LRP12: variants seen among roughly 807,000 people sequenced by gnomAD.
The protein encoded by LRP12 is LDL receptor related protein 12, also known as low-density lipoprotein receptor-related protein 12.
LRP12 carries 14 observed loss-of-function variants against 66.0 expected under a neutral mutation model. The observed-to-expected ratio is 0.21, with a 90% confidence interval of 0.14 to 0.33. LRP12 has a LOEUF of 0.33. Ranked by LOEUF, LRP12 falls within the 10% of genes least tolerant of loss-of-function variation. The pLI, the probability that LRP12 is intolerant of heterozygous loss-of-function variation, is 1.00. For missense variants in LRP12, 889 were observed against 1,053.4 expected, an observed-to-expected ratio of 0.84 and a Z score of 2.16; for synonymous variants, 357 against 359.1, an observed-to-expected ratio of 0.99 and a Z score of 0.07.
At chr8:104,576,366 G>C (rs112005679) in intron 1 of LRP12, among the ~76,000 whole-genome samples, 2 of 152,064 alleles carry the variant, frequency 1.3e-5, no homozygotes, top group Non-Finnish European at 1.5e-5. Flanking sequence ...GGTAGCTAGA[G>C]AGAAAAAGCA....
chr8:104,561,524 A>C (rs1398684083), intron 1 of LRP12, among the ~76,000 whole-genome samples: 1 of 152,214 alleles, frequency 6.6e-6, no homozygotes, highest in East Asian at 1.9e-4. Context: ...TTCATTAACA[A>C]AAATTCTGCA....
At chr8:104,504,470 A>C (rs1810875435) in intron 3 of LRP12, 1 of 152,116 alleles carries the variant, frequency 6.6e-6, no homozygotes, top group South Asian at 2.1e-4. Flanking sequence ...TATTCTTTCA[A>C]TGTATTCTAA....
chr8:104,572,148 A>G (rs1292235852), intron 1 of LRP12, among the ~76,000 whole-genome samples: 3 of 152,252 alleles, frequency 2.0e-5, no homozygotes, highest in Admixed American at 2.0e-4. Context: ...AAAAGCAGTC[A>G]GTCTCAAATG....
chr8:104,501,997 T>C (rs903163164), intron 3 of LRP12, among the ~76,000 whole-genome samples: 15 of 152,204 alleles, frequency 9.9e-5, no homozygotes, highest in African/African-American at 3.6e-4. Flanking sequence ...AATTTTCGTG[T>C]TTTCAAGTAG....
intron 2 of LRP12, among the ~76,000 whole-genome samples, chr8:104,510,242 T>C (rs1283128118): frequency 2.0e-5 from 3 of 152,248 alleles, no homozygotes; most frequent in African/African-American, 7.2e-5. Context: ...TAGTGGATGA[T>C]TGAATAAAGA....
intron 1 of LRP12, among the ~76,000 whole-genome samples, chr8:104,561,300 G>A (rs1453733933): frequency 1.3e-5 from 2 of 152,130 alleles, no homozygotes; most frequent in African/African-American, 4.8e-5. Context: ...TGTTTCATAC[G>A]TATGACAGAA....
intron 2 of LRP12, among the ~76,000 whole-genome samples, chr8:104,530,032 T>G (rs556907900): frequency 6.6e-5 from 10 of 152,144 alleles, no homozygotes; most frequent in Non-Finnish European, 1.2e-4. Flanking sequence ...CAATCATTAC[T>G]TTATAAAATT....
rs1037494740 is a variant in LRP12, at chr8:104,489,239, A to T, written c.*1434T>A. On this transcript the variant is annotated 3_prime_UTR_variant, in exon 7 of 7. Coordinates refer to ENST00000276654, the MANE Select transcript of LRP12 (RefSeq NM_013437.5). Reference sequence around the variant, plus strand: ...AACAAATAAAGAACAGCTTTGATTTAAAAAGTACCTCAAGGCAATAAAAAA... The same window carrying T: ...AACAAATAAAGAACAGCTTTGATTTTAAAAGTACCTCAAGGCAATAAAAAA... 6.6e-6 allele frequency: 1 copy of T among 152,588 alleles called. No individual in the cohort carries two copies. Among genetic ancestry groups the T allele is most frequent in the Admixed American group, 6.5e-5 (1 of 15,276 alleles). The allele number at this position is 152,588 out of a possible 1,614,324, so 9.5% of individuals were successfully genotyped here.
chr8:104,529,775 C>T (rs572759781), intron 2 of LRP12, among the ~76,000 whole-genome samples: 1 of 152,176 alleles, frequency 6.6e-6, no homozygotes, highest in Non-Finnish European at 1.5e-5. Context: ...GAGCACAAAA[C>T]GCTCAATGAT....
chr8:104,545,650 A>C (rs1342859527), intron 1 of LRP12, among the ~76,000 whole-genome samples: 1 of 152,318 alleles, frequency 6.6e-6, no homozygotes, highest in East Asian at 1.9e-4. Flanking sequence ...AAGCAATAAA[A>C]TATTTTTAAA....
chr8:104,547,527 T>C (rs1306604635), intron 1 of LRP12, among the ~76,000 whole-genome samples: 3 of 124,968 alleles, frequency 2.4e-5, no homozygotes, highest in Non-Finnish European at 4.6e-5. Flanking sequence ...ATATAATTGT[T>C]ATATTTTGTA....
intron 1 of LRP12, among the ~76,000 whole-genome samples, chr8:104,586,290 A>G (rs1285487210): frequency 6.6e-6 from 1 of 152,238 alleles, no homozygotes; most frequent in Admixed American, 6.5e-5. Context: ...TAGCACCAAA[A>G]TAAACAACAA....
intron 2 of LRP12, among the ~76,000 whole-genome samples, chr8:104,520,915 C>T (rs549599595): frequency 4.6e-5 from 7 of 152,092 alleles, no homozygotes; most frequent in African/African-American, 9.6e-5. Context: ...TGCCTTTTTA[C>T]GTTCACTAGG....
In LRP12 at chr8:104,489,352, C is replaced by T. The variant is rs1810579802; in HGVS notation, c.*1321G>A. 6.6e-6 allele frequency: 1 copy of T among 152,524 alleles called. No homozygotes were observed. The highest frequency in any genetic ancestry group is 6.5e-5 in the Admixed American group (1 of 15,272). The allele number at this position is 152,524 out of a possible 1,614,324, so 9.4% of individuals were successfully genotyped here. A position where few individuals can be genotyped will look rare whatever the true frequency, so the allele number is the denominator to read the frequency against. ...ACAGACAAATACACAAGACTTCAAA[C>T]ATGCTTTAAAATGACATTCAGCAAA... On this transcript the variant is annotated 3_prime_UTR_variant, in exon 7 of 7. Transcript: ENST00000276654.
intron 1 of LRP12, among the ~76,000 whole-genome samples, chr8:104,572,220 A>T (rs1727477145): frequency 6.6e-6 from 1 of 151,886 alleles, no homozygotes; most frequent in African/African-American, 2.4e-5. Context: ...ATGGTTAGGA[A>T]CATCTCAGTG....
intron 1 of LRP12, among the ~76,000 whole-genome samples, chr8:104,557,529 T>C (rs1278502040): frequency 7.4e-6 from 1 of 134,350 alleles, no homozygotes; most frequent in African/African-American, 2.7e-5. Flanking sequence ...TTGCAATAGC[T>C]AAAAAAAAAA....
At chr8:104,511,988 C>G (rs73295116) in intron 2 of LRP12, among the ~76,000 whole-genome samples, 2,569 of 152,060 alleles carry the variant, frequency 0.017, 69 homozygotes, top group African/African-American at 0.058. Flanking sequence ...TAGAAAAAGA[C>G]TATATGTATC....
chr8:104,514,918 T>C (rs1017937009), intron 2 of LRP12, among the ~76,000 whole-genome samples: 1 of 152,218 alleles, frequency 6.6e-6, no homozygotes, highest in East Asian at 1.9e-4. Flanking sequence ...TTGAGATGGC[T>C]ACTAAGGCTG....
At chr8:104,491,603 A>AG (rs911899117) in intron 6 of LRP12, 64 bp from the exon 7 acceptor site, 3 of 1,306,904 alleles carry the variant, frequency 2.3e-6, no homozygotes, top group Non-Finnish European at 3.1e-6. Flanking sequence ...AAAAAAAAAA[A>AG]AACACCCTTC....
Sources: gnomAD v4.1 joint callset for allele counts (sites outside exome capture counted in the v4.1 genomes callset) on GRCh38, gnomAD v4.1.1 for gene constraint, MANE v1.5 for transcripts, NCBI Gene and HGNC (gene_info 2026-07-23, HGNC 2026-07-21) for gene names.